LMF1: variants seen among roughly 807,000 people sequenced by gnomAD.
LMF1 encodes the protein lipase maturation factor 1.
A neutral mutation model predicts 60.6 loss-of-function variants in LMF1; 68 were observed. The ratio of observed to expected loss-of-function variants is 1.12; its 90% CI spans 0.92 to 1.37. The LOEUF (loss-of-function observed/expected upper bound fraction) is 1.37, where lower values mean the gene tolerates loss of function less well. LMF1 is among the 40% of genes most tolerant of loss of function. The pLI is 0.00. For missense variants in LMF1, 948 were observed against 767.2 expected, an observed-to-expected ratio of 1.24 and a Z score of -2.78; for synonymous variants, 418 against 324.7, an observed-to-expected ratio of 1.29 and a Z score of -3.09.
At chr16:875,398 G>T (rs2069944190) in intron 6 of LMF1, among the ~76,000 whole-genome samples, 1 of 152,120 alleles carries the variant, frequency 6.6e-6, no homozygotes, top group African/African-American at 2.4e-5. Flanking sequence ...CCAGGTTCCT[G>T]CGTTCTGAAT....
At chr16:900,035 A>C (rs527299685) in intron 4 of LMF1, 3 of 152,338 alleles carry the variant, frequency 2.0e-5, no homozygotes, top group African/African-American at 7.2e-5. Context: ...CACGCGTCCC[A>C]AATCCTGGCT....
At chr16:934,590 GA>G in intron 2 of LMF1, 1 of 350,908 alleles carries the variant, frequency 2.8e-6, no homozygotes, top group Non-Finnish European at 5.4e-6. Context: ...TCATACTCTG[GA>G]ATCTGAAAAT....
chr16:970,993 C>G (rs761478266), upstream of LMF1: 8 of 1,466,174 alleles, frequency 5.5e-6, no homozygotes, highest in Non-Finnish European at 6.3e-6. Flanking sequence ...GCGGGGAGGG[C>G]GCACTCCCGG....
At chr16:976,662 A>C (rs1368987673) in intron 1 of LMF1, 3 of 453,914 alleles carry the variant, frequency 6.6e-6, no homozygotes, top group African/African-American at 6.0e-5. Context: ...CCACACTGAG[A>C]GTGGAGACGG....
At chr16:872,524 C>A (rs1355672287) in intron 6 of LMF1, 1 of 152,300 alleles carries the variant, frequency 6.6e-6, no homozygotes, top group African/African-American at 2.4e-5. Flanking sequence ...CCAAAAACAG[C>A]CCCGCCTCGC....
Position 898,218 on chromosome 16 carries a change from A to AC in LMF1, c.664-5147dup, listed in dbSNP as rs2070716338. ...TGGGCTCTAACTTGCAGACCAAGGG[A>AC]CCTGGACCTGGACAAACGCCCTGGG... On this transcript the variant is annotated intron_variant, in intron 4 of 10. Coordinates refer to ENST00000262301, the MANE Select transcript of LMF1 (RefSeq NM_022773.4). Among the ~76,000 whole-genome samples, 3 of 152,284 alleles carry AC rather than the reference A, an allele frequency of 2.0e-5. No individual in the cohort carries two copies. The South Asian group carries it at 6.2e-4, about 32-fold the overall frequency.
chr16:889,797 G>A (rs2070425156), intron 5 of LMF1, among the ~76,000 whole-genome samples: 1 of 152,172 alleles, frequency 6.6e-6, no homozygotes, highest in Non-Finnish European at 1.5e-5. Flanking sequence ...GCTCGCAGTT[G>A]ACACCCTGAC....
chr16:945,147 G>C (rs1438069660), intron 2 of LMF1, among the ~76,000 whole-genome samples: 1 of 141,528 alleles, frequency 7.1e-6, no homozygotes, highest in African/African-American at 2.7e-5. Context: ...GGAAGTGGAG[G>C]CTGCAATGGA....
chr16:973,168 C>A (rs1341047938), upstream of LMF1, among the ~76,000 whole-genome samples: 1 of 152,128 alleles, frequency 6.6e-6, no homozygotes, highest in African/African-American at 2.4e-5. Context: ...CATGGTGAAA[C>A]CCCGCCTCTA....
intron 4 of LMF1, among the ~76,000 whole-genome samples, chr16:909,871 G>C (rs912068403): frequency 6.6e-6 from 1 of 152,276 alleles, no homozygotes; most frequent in African/African-American, 2.4e-5. Context: ...CGAGACGGCG[G>C]CACACTCTGG....
At chr16:882,437 C>T (rs578189494) in intron 5 of LMF1, among the ~76,000 whole-genome samples, 1 of 152,336 alleles carries the variant, frequency 6.6e-6, no homozygotes, top group Non-Finnish European at 1.5e-5. Context: ...TCTGAGGCCA[C>T]CAAGCTGTGA....
intron 2 of LMF1, among the ~76,000 whole-genome samples, chr16:938,049 C>A (rs2071993291): frequency 9.0e-6 from 1 of 110,734 alleles, no homozygotes; most frequent in Non-Finnish European, 1.7e-5. Flanking sequence ...AAAAAAAATA[C>A]CACAAAAAAA....
At chr16:870,615 AGGGGACACTT>A in intron 8 of LMF1, 104 bp downstream of exon 8, 2 of 1,247,282 alleles carry the variant, frequency 1.6e-6, no homozygotes, top group Admixed American at 3.5e-5. Flanking sequence ...GGGGTGGGGC[AGGGGACACTT>A]GGGGTCATGG....
At chr16:866,110 A>G (rs1255717028) in intron 10 of LMF1, among the ~76,000 whole-genome samples, 1 of 152,170 alleles carries the variant, frequency 6.6e-6, no homozygotes, top group East Asian at 1.9e-4. Context: ...TGGTGCTATC[A>G]TCTGTCGACT....
chr16:871,048 G>A, intron 7 of LMF1, 113 bp downstream of exon 7: 1 of 1,398,882 alleles, frequency 7.1e-7, no homozygotes, highest in Non-Finnish European at 9.5e-7. Context: ...ACTGCGGACG[G>A]CGCTGACTCT....
In LMF1 at chr16:854,401, G is replaced by A; in HGVS notation, c.*131C>T. 1 of 951,708 alleles carries A rather than the reference G, an allele frequency of 1.1e-6. No homozygotes were observed. The highest frequency in any genetic ancestry group is 1.4e-5 in the South Asian group (1 of 69,344). The allele number at this position is 951,708 out of a possible 1,614,324, so 59.0% of individuals were successfully genotyped here. A position where few individuals can be genotyped will look rare whatever the true frequency, so the allele number is the denominator to read the frequency against. On this transcript the variant is annotated 3_prime_UTR_variant, in exon 11 of 11. Transcript: ENST00000262301. ...AGACCCCACCCTGGACCCCCGTGCT[G>A]GGGGCTGGGTCCCACCGCTCTCCTC...
chr16:978,154 A>ACG (rs1220162903), intron 1 of LMF1, among the ~76,000 whole-genome samples: 2 of 146,704 alleles, frequency 1.4e-5, no homozygotes, highest in South Asian at 2.2e-4. Context: ...CATCATACAC[A>ACG]CACACACACA....
intron 9 of LMF1, chr16:869,667 CG>C: frequency 3.0e-6 from 2 of 656,076 alleles, no homozygotes; most frequent in South Asian, 1.7e-5. Context: ...CTGGCAGACC[CG>C]GGGGGACGGT....
Position 870,054 on chromosome 16 carries a change from C to T in LMF1, c.1245G>A (p.Glu415=), listed in dbSNP as rs1249572950. 1.9e-6 allele frequency: 3 copies of T among 1,609,436 alleles called. No homozygotes were observed. The highest frequency in any genetic ancestry group is 8.5e-7 in the Non-Finnish European group (1 of 1,179,582). The change falls in exon 9 of 11, where the codon GAG becomes GAA. Residue 415 remains glutamate, a synonymous_variant. Transcript: ENST00000262301. ...TGCCCTGCAGGATCACCTCCGCCCG[C>T]TCCTTGGTGATGCTGCCGGGAGACC... ...TYGAFGSITK[E]RAEVILQGTA...
Sources: allele counts gnomAD v4.1 joint callset (sites outside exome capture counted in the v4.1 genomes callset), GRCh38; gene constraint gnomAD v4.1.1; transcripts MANE v1.5; gene names NCBI Gene and HGNC (gene_info 2026-07-23, HGNC 2026-07-21).